The following CXCL16 variants were observed in gnomAD, a reference collection of about 807,000 sequenced individuals.
CXCL16 encodes the protein C-X-C motif chemokine ligand 16.
In CXCL16, 18 loss-of-function variants were observed where a neutral mutation model predicts 23.8. The observed-to-expected ratio is 0.76, with a 90% confidence interval of 0.52 to 1.12. The LOEUF (loss-of-function observed/expected upper bound fraction) is 1.12, where lower values mean the gene tolerates loss of function less well. Ranked by LOEUF, CXCL16 falls within the 50% of genes most tolerant of loss-of-function variation. The pLI is 0.00. For missense variants in CXCL16, 297 were observed against 315.4 expected, an observed-to-expected ratio of 0.94 and a Z score of 0.44; for synonymous variants, 123 against 132.5, an observed-to-expected ratio of 0.93 and a Z score of 0.49.
intron 3 of CXCL16, chr17:4,736,203 G>T (rs1916154013): frequency 6.6e-6 from 1 of 152,218 alleles, no homozygotes; most frequent in African/African-American, 2.4e-5. Flanking sequence ...TCTGAAATGA[G>T]AGCCTATGAC....
rs141216395 is a variant in CXCL16, at chr17:4,735,096, A to G, written c.714T>C (p.Ser238=). The G allele has an allele frequency of 1.3e-4, 215 of 1,603,800 alleles. No homozygotes were observed. The highest frequency in any genetic ancestry group is 1.7e-4 in the Non-Finnish European group (204 of 1,172,554). ...GGGTTCAAAGGTCCAGTTTACCTGGAGAGGACTGCGGTGACTGCCCCCTCC... is the reference window on the plus strand; with the variant it reads ...GGGTTCAAAGGTCCAGTTTACCTGGGGAGGACTGCGGTGACTGCCCCCTCC... ...KRRRGQSPQS[S]PDLPVHYIPV... The change falls in exon 4 of 6, where the codon TCT becomes TCC. Residue 238 remains serine (S), a synonymous_variant. Coordinates refer to ENST00000293778, the MANE Select transcript of CXCL16 (RefSeq NM_001386809.1).
Position 4,738,683 on chromosome 17 carries a change from G to T in CXCL16, c.218+99C>A. Reference sequence around the variant, plus strand: ...ACGGAACCCGGAGATGGGGCTCGGTGAGCCGGGAAGGAGTTCAGGCTGGAC... The same window carrying T: ...ACGGAACCCGGAGATGGGGCTCGGTTAGCCGGGAAGGAGTTCAGGCTGGAC... On this transcript the variant is annotated intron_variant, in intron 2 of 5. Coordinates refer to ENST00000293778, the MANE Select transcript of CXCL16 (RefSeq NM_001386809.1). This position sits in a 1 kb window ranked among gnomAD's most constrained non-coding sequence, Gnocchi z 4.0. 7.7e-7 allele frequency: 1 copy of T among 1,306,678 alleles called. No individual in the cohort carries two copies. Among genetic ancestry groups the T allele is most frequent in the Non-Finnish European group, 1.1e-6 (1 of 941,008 alleles). 80.9% of individuals were successfully genotyped at this position (1,306,678 alleles called of 1,614,324 possible). A position where few individuals can be genotyped will look rare whatever the true frequency, so the allele number is the denominator to read the frequency against.
Position 4,734,425 on chromosome 17 carries a change from G to A in CXCL16, c.*78C>T. ...CTCGCACCTTCAGAGGCCAAGGTGG[G>A]AGGATCACTTGACTCAGGAGTTCCA... On this transcript the variant is annotated 3_prime_UTR_variant, in exon 6 of 6. Transcript: ENST00000293778. 1 of 522,110 alleles carries A rather than the reference G, an allele frequency of 1.9e-6. No homozygotes were observed. Among genetic ancestry groups the A allele is most frequent in the Non-Finnish European group, 3.5e-6 (1 of 284,844 alleles). The allele number at this position is 522,110 out of a possible 1,614,324, so 32.3% of individuals were successfully genotyped here. A position where few individuals can be genotyped will look rare whatever the true frequency, so the allele number is the denominator to read the frequency against.
At chr17:4,736,938 C>T (rs1916169952) in intron 3 of CXCL16, among the ~76,000 whole-genome samples, 1 of 152,186 alleles carries the variant, frequency 6.6e-6, no homozygotes, top group South Asian at 2.1e-4. Context: ...CTGCCTCAAC[C>T]TCCTGAGTAG....
rs1344767652 is a variant in CXCL16 at position 4,738,360 on chromosome 17, C to T, written c.301+48G>A. 7 of 1,445,068 alleles carry T rather than the reference C, an allele frequency of 4.8e-6. No individual in the cohort carries two copies. The highest frequency in any genetic ancestry group is 6.8e-6 in the Non-Finnish European group (7 of 1,026,166). The allele number at this position is 1,445,068 out of a possible 1,614,324, so 89.5% of individuals were successfully genotyped here. ...GGTAAAGAAAACTGTCAGGTGGAAG[C>T]TGCTAAGCCCTGGAGGCAGAGCCTG... On this transcript the variant is annotated intron_variant, in intron 3 of 5. Coordinates refer to ENST00000293778, the MANE Select transcript of CXCL16 (RefSeq NM_001386809.1). The surrounding 1 kb of genome is among the most constrained non-coding windows in gnomAD (Gnocchi z 4.0).
chr17:4,739,649 C>A lies in CXCL16; in HGVS notation c.-310G>T, dbSNP rs1916287887. On this transcript the variant is annotated 5_prime_UTR_variant, in exon 1 of 6. Transcript: ENST00000293778. This position sits in a 1 kb window ranked among gnomAD's most constrained non-coding sequence, Gnocchi z 5.3. Reference sequence around the variant, plus strand: ...GAAGGCCAGGAATCTTGGAAGAAACCGAAAGAAAACTCCGGCGGCGGGCGA... The same window carrying A: ...GAAGGCCAGGAATCTTGGAAGAAACAGAAAGAAAACTCCGGCGGCGGGCGA... 2.9e-6 allele frequency: 2 copies of A among 700,332 alleles called. No homozygotes were observed. Among genetic ancestry groups the A allele is most frequent in the Non-Finnish European group, 4.3e-6 (2 of 466,712 alleles). The allele number at this position is 700,332 out of a possible 1,614,324, so 43.4% of individuals were successfully genotyped here. A position where few individuals can be genotyped will look rare whatever the true frequency, so the allele number is the denominator to read the frequency against.
rs1450991830 is a variant in CXCL16, at chr17:4,738,965, T to C, written c.80-45A>G. On this transcript the variant is annotated intron_variant, in intron 1 of 5. Transcript: ENST00000293778. This position sits in a 1 kb window ranked among gnomAD's most constrained non-coding sequence, Gnocchi z 4.0. Reference sequence around the variant, plus strand: ...TCGGCACCCATTCCCAGGCCCAGGGTCCCCACTCCGCTGTTCCCTGGCATC... The same window carrying C: ...TCGGCACCCATTCCCAGGCCCAGGGCCCCCACTCCGCTGTTCCCTGGCATC... The C allele has an allele frequency of 3.8e-6, 6 of 1,599,372 alleles. No homozygotes were observed. Among genetic ancestry groups the C allele is most frequent in the African/African-American group, 2.7e-5 (2 of 74,014 alleles).
Position 4,739,678 on chromosome 17 carries a change from G to T in CXCL16, c.-339C>A. The T allele has an allele frequency of 1.4e-6, 1 of 731,102 alleles. No homozygotes were observed. Among genetic ancestry groups the T allele is most frequent in the South Asian group, 2.5e-5 (1 of 40,790 alleles). 45.3% of individuals were successfully genotyped at this position (731,102 alleles called of 1,614,324 possible). On this transcript the variant is annotated 5_prime_UTR_variant, in exon 1 of 6. Coordinates refer to ENST00000293778, the MANE Select transcript of CXCL16 (RefSeq NM_001386809.1). This position sits in a 1 kb window ranked among gnomAD's most constrained non-coding sequence, Gnocchi z 5.3. ...AGAAAACTCCGGCGGCGGGCGAGGAGGGGCGGGAGGACGACGGCCCGAGGA... is the reference window on the plus strand; with the variant it reads ...AGAAAACTCCGGCGGCGGGCGAGGATGGGCGGGAGGACGACGGCCCGAGGA...
Position 4,739,135 on chromosome 17 carries a change from T to G in CXCL16, c.79+126A>C. On this transcript the variant is annotated intron_variant, in intron 1 of 5. Coordinates refer to ENST00000293778, the MANE Select transcript of CXCL16 (RefSeq NM_001386809.1). The surrounding 1 kb of genome is among the most constrained non-coding windows in gnomAD (Gnocchi z 5.3). ...GCCTCTGTCCCCAACCCCAGGCGGC[T>G]GGCTGGCTTTCCTCTTGTCCCCGCT... is the stretch of plus-strand genomic sequence containing the variant. 7.5e-7 allele frequency: 1 copy of G among 1,334,104 alleles called. No individual in the cohort carries two copies. The highest frequency in any genetic ancestry group is 1.5e-5 in the African/African-American group (1 of 68,418). The allele number at this position is 1,334,104 out of a possible 1,614,324, so 82.6% of individuals were successfully genotyped here.
chr17:4,735,607 A>G (rs1219463228), intron 3 of CXCL16, 99 bp from the exon 4 acceptor site: 3 of 939,678 alleles, frequency 3.2e-6, no homozygotes, highest in Non-Finnish European at 4.5e-6. Flanking sequence ...TTCCTCACCC[A>G]TCGCAAGGGT....
In CXCL16 at chr17:4,735,289, G is replaced by A. The variant is rs763516895; in HGVS notation, c.521C>T (p.Thr174Ile). 1.9e-6 allele frequency: 3 copies of A among 1,614,202 alleles called. No homozygotes were observed. Among genetic ancestry groups the A allele is most frequent in the Non-Finnish European group, 2.5e-6 (3 of 1,180,028 alleles). ...LTRPNETTIH[T>I]AGHSLAAGPE... Reference sequence around the variant, plus strand: ...CCCAGCTGCCAGACTGTGGCCCGCAGTGTGAATGGTGGTTTCATTGGGACG... The same window carrying A: ...CCCAGCTGCCAGACTGTGGCCCGCAATGTGAATGGTGGTTTCATTGGGACG... The change falls in exon 4 of 6, where the codon ACT (threonine) becomes ATT (isoleucine). Residue 174 changes from threonine (T) to isoleucine (I), a missense_variant. Transcript: ENST00000293778.
chr17:4,735,861 G>A (rs1426224432), intron 3 of CXCL16, among the ~76,000 whole-genome samples: 1 of 152,048 alleles, frequency 6.6e-6, no homozygotes, highest in African/African-American at 2.4e-5. Flanking sequence ...ATCACCTGAG[G>A]TCGGGAGTTC....
In CXCL16 at chr17:4,735,172, G is replaced by A. The variant is rs749024765; in HGVS notation, c.638C>T (p.Ala213Val). The change falls in exon 4 of 6, where the codon GCC becomes GTC. Residue 213 changes from alanine to valine, a missense_variant. Coordinates refer to ENST00000293778, the MANE Select transcript of CXCL16 (RefSeq NM_001386809.1). ...SATVPVLCLLAIIFILTAALS... is the reference protein window; with the variant it reads ...SATVPVLCLLVIIFILTAALS... ...GGCTGCGGTGAGGATGAAGATGATG[G>A]CCAGGAGGCACAGGACTGGCACTGT... The A allele has an allele frequency of 1.2e-6, 2 of 1,614,188 alleles. No homozygotes were observed. Among genetic ancestry groups the A allele is most frequent in the Non-Finnish European group, 1.7e-6 (2 of 1,180,030 alleles).
chr17:4,738,201 G>C lies in CXCL16; in HGVS notation c.301+207C>G, dbSNP rs572975225. ...TAAGTAGACAATAGCACACGTGGTA[G>C]AATGAATTGGCAAAACTCATGAAGG... is the stretch of plus-strand genomic sequence containing the variant. On this transcript the variant is annotated intron_variant, in intron 3 of 5. Transcript: ENST00000293778. This position sits in a 1 kb window ranked among gnomAD's most constrained non-coding sequence, Gnocchi z 4.0. 2.0e-5 allele frequency among the ~76,000 whole-genome samples: 3 copies of C among 152,310 alleles called. 1 individual carries two copies. The South Asian group carries it at 6.2e-4, about 32-fold the overall frequency.
Position 4,734,646 on chromosome 17 carries a change from G to C in CXCL16, c.725C>G (p.Pro242Arg). The change falls in exon 5 of 6, where the codon CCG (proline) becomes CGG (arginine). Residue 242 changes from proline to arginine, a missense_variant. By Grantham distance (103) the Pro-to-Arg change is moderately radical. Transcript: ENST00000293778. Reference sequence around the variant, plus strand: ...AGGTGCCACAGGTATATAATGAACCGGCAGATCTGGAAAGGATAAAGAAAT... The same window carrying C: ...AGGTGCCACAGGTATATAATGAACCCGCAGATCTGGAAAGGATAAAGAAAT... ...GQSPQSSPDL[P>R]VHYIPVAPDS... The C allele has an allele frequency of 6.2e-7, 1 of 1,611,234 alleles. No homozygotes were observed. Among genetic ancestry groups the C allele is most frequent in the Non-Finnish European group, 8.5e-7 (1 of 1,177,590 alleles).
chr17:4,737,640 G>A (rs1916196153), intron 3 of CXCL16, among the ~76,000 whole-genome samples: 1 of 139,664 alleles, frequency 7.2e-6, no homozygotes, highest in Non-Finnish European at 1.5e-5. Flanking sequence ...ATGGATAGAA[G>A]AATGAATAGA....
At position 4,738,966 on chromosome 17, in the gene CXCL16, C is replaced by A; in HGVS notation, c.80-46G>T. Reference sequence around the variant, plus strand: ...CGGCACCCATTCCCAGGCCCAGGGTCCCCACTCCGCTGTTCCCTGGCATCC... The same window carrying A: ...CGGCACCCATTCCCAGGCCCAGGGTACCCACTCCGCTGTTCCCTGGCATCC... On this transcript the variant is annotated intron_variant, in intron 1 of 5. Coordinates refer to ENST00000293778, the MANE Select transcript of CXCL16 (RefSeq NM_001386809.1). This position sits in a 1 kb window ranked among gnomAD's most constrained non-coding sequence, Gnocchi z 4.0. The A allele has an allele frequency of 1.9e-6, 3 of 1,599,818 alleles. No homozygotes were observed. Among genetic ancestry groups the A allele is most frequent in the Non-Finnish European group, 1.7e-6 (2 of 1,172,880 alleles).
In CXCL16 at chr17:4,734,452, A is replaced by G; in HGVS notation, c.*51T>C. 1.7e-6 allele frequency: 1 copy of G among 573,102 alleles called. No individual in the cohort carries two copies. The highest frequency in any genetic ancestry group is 3.1e-6 in the Non-Finnish European group (1 of 317,698). The allele number at this position is 573,102 out of a possible 1,614,324, so 35.5% of individuals were successfully genotyped here. A position where few individuals can be genotyped will look rare whatever the true frequency, so the allele number is the denominator to read the frequency against. On this transcript the variant is annotated 3_prime_UTR_variant, in exon 6 of 6. Transcript: ENST00000293778. ...GGATCACTTGACTCAGGAGTTCCATAACAGCCTGGGCAACATAGAGTCCGT... is the reference window on the plus strand; with the variant it reads ...GGATCACTTGACTCAGGAGTTCCATGACAGCCTGGGCAACATAGAGTCCGT...
In CXCL16 at chr17:4,734,683, C is replaced by T. The variant is rs1329779663; in HGVS notation, c.719-31G>A. ...AAGGATAAAGAAATTGAGAGATGAG[C>T]TCTGAGATCAAGGACAGTGTTTGGG... On this transcript the variant is annotated intron_variant, in intron 4 of 5. Transcript: ENST00000293778. 3.2e-6 allele frequency: 5 copies of T among 1,582,322 alleles called. No homozygotes were observed. In the Admixed American group the frequency reaches 8.3e-5, roughly 26 times the overall value.
Sources: allele counts gnomAD v4.1 joint callset (sites outside exome capture counted in the v4.1 genomes callset), GRCh38; gene constraint gnomAD v4.1.1; non-coding constraint Gnocchi (gnomAD v3.1); transcripts MANE v1.5; gene names NCBI Gene and HGNC (gene_info 2026-07-23, HGNC 2026-07-21).